The following ABLIM1 variants were observed in gnomAD, a reference collection of about 807,000 sequenced individuals.
ABLIM1 encodes the protein actin-binding LIM protein 1.
Under a neutral mutation model 107.0 loss-of-function variants are expected in ABLIM1, and 40 were observed. The ratio of observed to expected loss-of-function variants is 0.37; its 90% CI spans 0.29 to 0.49. The LOEUF is 0.49. ABLIM1 is among the 20% of genes least tolerant of loss of function. The pLI, the probability that ABLIM1 is intolerant of heterozygous loss-of-function variation, is 0.97. For synonymous variants in ABLIM1, 357 were observed against 357.3 expected (o/e 1.00, Z 0.01); for missense variants, 857 against 1,008.5 (o/e 0.85, Z 2.04).
Position 114,698,010 on chromosome 10 carries a change from A to G in ABLIM1, c.-213+70051T>C, listed in dbSNP as rs1332294841. Among the ~76,000 whole-genome samples the G allele has an allele frequency of 1.2e-4, 14 of 114,560 alleles. No individual in the cohort carries two copies. In the Admixed American group the frequency reaches 1.2e-3, roughly 10 times the overall value. 75.2% of individuals were successfully genotyped at this position (114,560 alleles called of 152,430 possible). A position where few individuals can be genotyped will look rare whatever the true frequency, so the allele number is the denominator to read the frequency against. On this transcript the variant is annotated intron_variant, in intron 1 of 15. Coordinates refer to the ABLIM1 transcript ENST00000651092. ...AGCAAAAAGACAGGAGGAAACATTA[A>G]TCCCCCACATAGAAATCTCTGTATT...
intron 2 of ABLIM1, among the ~76,000 whole-genome samples, chr10:114,597,144 A>G (rs994408212): frequency 2.6e-5 from 4 of 152,254 alleles, no homozygotes; most frequent in Non-Finnish European, 4.4e-5. Flanking sequence ...TGAAACAGGA[A>G]GAAAACGAAA....
chr10:114,736,612 G>A (rs2082185553), intron 1 of ABLIM1, among the ~76,000 whole-genome samples: 1 of 152,202 alleles, frequency 6.6e-6, no homozygotes, highest in Non-Finnish European at 1.5e-5. Flanking sequence ...CAGTACACAT[G>A]ACAGGGTAGT....
intron 1 of ABLIM1, among the ~76,000 whole-genome samples, chr10:114,653,185 G>A (rs570265927): frequency 4.4e-4 from 67 of 152,312 alleles, no homozygotes; most frequent in African/African-American, 1.5e-3. Flanking sequence ...TCTGTAAAAT[G>A]AGATAAAAGT....
At chr10:114,769,473 AAGAAAG>A (rs1417989868), upstream of ABLIM1, among the ~76,000 whole-genome samples, 67 of 124,980 alleles carry the variant, frequency 5.4e-4, no homozygotes, top group East Asian at 5.6e-3. Context: ...GAAAGAAAGA[AAGAAAG>A]AGAAAGAAAG....
intron 2 of ABLIM1, among the ~76,000 whole-genome samples, chr10:114,596,754 G>A (rs980461143): frequency 6.6e-6 from 1 of 152,290 alleles, no homozygotes; most frequent in African/African-American, 2.4e-5. Flanking sequence ...TAGCTCTTGT[G>A]TAAAATGTTC....
At chr10:114,748,466 A>T (rs548295854) in intron 1 of ABLIM1, among the ~76,000 whole-genome samples, 23 of 152,174 alleles carry the variant, frequency 1.5e-4, no homozygotes, top group African/African-American at 5.3e-4. Context: ...TGCCTGTTTT[A>T]ATATAGCCCT....
rs1363583237 is a variant in ABLIM1 at position 114,439,473 on chromosome 10, T to A, written c.2068-223A>T. Reference sequence around the variant, plus strand: ...TGGGGAGAGATCTTGGCTTGATGGTTATGGACAAATTCCTGAATTAGGCTC... The same window carrying A: ...TGGGGAGAGATCTTGGCTTGATGGTAATGGACAAATTCCTGAATTAGGCTC... On this transcript the variant is annotated intron_variant, in intron 20 of 22. Coordinates refer to ENST00000533213, the MANE Select transcript of ABLIM1 (RefSeq NM_002313.7). The A allele has an allele frequency of 5.0e-6, 3 of 603,104 alleles. No individual in the cohort carries two copies. The African/African-American group carries it at 5.5e-5, about 11-fold the overall frequency. 37.4% of individuals were successfully genotyped at this position (603,104 alleles called of 1,614,324 possible). A position where few individuals can be genotyped will look rare whatever the true frequency, so the allele number is the denominator to read the frequency against.
chr10:114,450,770 T>C (rs2061753696), intron 14 of ABLIM1, among the ~76,000 whole-genome samples: 1 of 152,108 alleles, frequency 6.6e-6, no homozygotes, highest in South Asian at 2.1e-4. Flanking sequence ...TAAGGACTCA[T>C]GAATGTCAGC....
intron 1 of ABLIM1, among the ~76,000 whole-genome samples, chr10:114,626,022 T>C (rs2077767888): frequency 6.6e-6 from 1 of 152,188 alleles, no homozygotes; most frequent in Non-Finnish European, 1.5e-5. Flanking sequence ...TTTTTAGAAG[T>C]AAGCAGGGAG....
At chr10:114,557,231 G>A (rs1240489729) in intron 4 of ABLIM1, among the ~76,000 whole-genome samples, 1 of 152,208 alleles carries the variant, frequency 6.6e-6, no homozygotes. Flanking sequence ...CCATGTCCCT[G>A]TAGGTCAGTG....
At chr10:114,778,084 T>C in the ABLIM1 span, 1 of 152,272 alleles carries the variant, frequency 6.6e-6, no homozygotes, top group Non-Finnish European at 1.5e-5. Flanking sequence ...ATCAGTCTGG[T>C]TGGGCATGGT....
chr10:114,693,860 G>A (rs149717795), intron 1 of ABLIM1, among the ~76,000 whole-genome samples: 200 of 139,240 alleles, frequency 1.4e-3, no homozygotes, highest in Non-Finnish European at 2.1e-3. Flanking sequence ...TTGGGTTATT[G>A]CTGTGTTGCT....
chr10:114,446,309 T>G (rs1042156668), intron 15 of ABLIM1, among the ~76,000 whole-genome samples: 1 of 152,174 alleles, frequency 6.6e-6, no homozygotes, highest in Non-Finnish European at 1.5e-5. Context: ...CTTTGAAAAA[T>G]GGTCACAAAA....
rs115081880 is a variant in ABLIM1 at position 114,599,898 on chromosome 10, C to T, written c.379+1929G>A. On this transcript the variant is annotated intron_variant, in intron 2 of 22. Coordinates refer to ENST00000533213, the MANE Select transcript of ABLIM1 (RefSeq NM_002313.7). ...TTTCATACCAAATCTATCCTTTGAGCCATGTCTCAATAAATTTATGAGAAA... is the reference window on the plus strand; with the variant it reads ...TTTCATACCAAATCTATCCTTTGAGTCATGTCTCAATAAATTTATGAGAAA... 2.9e-3 allele frequency among the ~76,000 whole-genome samples: 445 copies of T among 152,144 alleles called. 1 individual carries two copies. The highest frequency in any genetic ancestry group is 0.01 in the African/African-American group (422 of 41,544).
chr10:114,759,375 G>A (rs7922771), intron 1 of ABLIM1, among the ~76,000 whole-genome samples: 68,745 of 151,888 alleles, frequency 0.45, 16,290 homozygotes, highest in Non-Finnish European at 0.51. Context: ...TATATTAACC[G>A]GAAAAAATAG....
At chr10:114,578,852 T>C (rs2073000127) in intron 2 of ABLIM1, among the ~76,000 whole-genome samples, 1 of 143,966 alleles carries the variant, frequency 6.9e-6, no homozygotes, top group African/African-American at 2.6e-5. Context: ...AGTGGCATGA[T>C]CTCAGCTCAC....
intron 1 of ABLIM1, among the ~76,000 whole-genome samples, chr10:114,671,491 G>A (rs943586117): frequency 2.6e-5 from 4 of 152,180 alleles, no homozygotes; most frequent in Non-Finnish European, 4.4e-5. Flanking sequence ...TCATACAGGT[G>A]TATATAGATG....
chr10:114,712,163 G>A (rs35221652), intron 1 of ABLIM1, among the ~76,000 whole-genome samples: 54,098 of 151,558 alleles, frequency 0.36, 11,095 homozygotes, highest in Non-Finnish European at 0.47. Flanking sequence ...GACCAGTCTG[G>A]CCAACATGGT....
chr10:114,673,041 T>C (rs1488600156), intron 1 of ABLIM1, among the ~76,000 whole-genome samples: 1 of 152,124 alleles, frequency 6.6e-6, no homozygotes, highest in African/African-American at 2.4e-5. Flanking sequence ...GTGGATCACC[T>C]GAGGTCAGGA....
Sources: allele counts gnomAD v4.1 joint callset (sites outside exome capture counted in the v4.1 genomes callset), GRCh38; gene constraint gnomAD v4.1.1; transcripts MANE v1.5; gene names NCBI Gene and HGNC (gene_info 2026-07-23, HGNC 2026-07-21).